The following PCDH9 variants were observed in gnomAD, a reference collection of about 807,000 sequenced individuals.
The protein encoded by PCDH9 is protocadherin-9.
In PCDH9, 24 loss-of-function variants were observed where a neutral mutation model predicts 70.6. That is an observed-to-expected ratio of 0.34 (90% CI 0.25 to 0.48). The LOEUF is 0.48. Among genes scored for constraint, PCDH9 ranks in the 20% least tolerant of loss-of-function variants. The pLI, the probability that PCDH9 is intolerant of heterozygous loss-of-function variation, is 0.99. For synonymous variants in PCDH9, 562 were observed against 558.5 expected (o/e 1.01, Z -0.09); for missense variants, 1,281 against 1,503.6 (o/e 0.85, Z 2.45).
At chr13:66,357,290 A>G (rs903074544) in intron 4 of PCDH9, among the ~76,000 whole-genome samples, 1 of 152,034 alleles carries the variant, frequency 6.6e-6, no homozygotes, top group Non-Finnish European at 1.5e-5. Context: ...GAAAACTGCA[A>G]CATGCAAACA....
chr13:66,589,737 T>C (rs780235465), intron 4 of PCDH9, among the ~76,000 whole-genome samples: 2 of 151,986 alleles, frequency 1.3e-5, no homozygotes, highest in Non-Finnish European at 2.9e-5. Context: ...TCTTATCCTA[T>C]TTTCAACTAT....
chr13:66,887,075 A>T (rs1187565293), intron 3 of PCDH9, among the ~76,000 whole-genome samples: 1 of 124,848 alleles, frequency 8.0e-6, no homozygotes, highest in African/African-American at 3.1e-5. Context: ...ACACACACAC[A>T]CACCCTGTAT....
intron 4 of PCDH9, among the ~76,000 whole-genome samples, chr13:66,324,978 C>A (rs1236723796): frequency 6.6e-6 from 1 of 151,888 alleles, no homozygotes; most frequent in Middle Eastern, 3.2e-3. Context: ...ATGTCAGTAT[C>A]TAGCAATCTA....
chr13:66,567,982 A>G (rs950069507), intron 4 of PCDH9, among the ~76,000 whole-genome samples: 1 of 152,106 alleles, frequency 6.6e-6, no homozygotes, highest in African/African-American at 2.4e-5. Flanking sequence ...TGCTTAATAA[A>G]CACACCTACT....
At chr13:66,812,136 T>C (rs978223546) in intron 3 of PCDH9, among the ~76,000 whole-genome samples, 11 of 152,248 alleles carry the variant, frequency 7.2e-5, no homozygotes, top group African/African-American at 2.2e-4. Context: ...AAATTGCTTA[T>C]GGATTGAGCC....
rs993859730 is a variant in PCDH9, at chr13:66,713,623, G to C, written c.3139-82212C>G. On this transcript the variant is annotated intron_variant, in intron 3 of 4. Transcript: ENST00000377865. ...GTATATATATATAAAGTGTGTGTGT[G>C]TGTATATATATATATATATATATAT... is the stretch of plus-strand genomic sequence containing the variant. Among the ~76,000 whole-genome samples, 4 of 93,020 alleles carry C rather than the reference G, an allele frequency of 4.3e-5. No homozygotes were observed. The South Asian group carries it at 1.7e-3, about 38-fold the overall frequency. The allele number at this position is 93,020 out of a possible 152,430, so 61.0% of individuals were successfully genotyped here. A position where few individuals can be genotyped will look rare whatever the true frequency, so the allele number is the denominator to read the frequency against.
chr13:66,574,722 A>G lies in PCDH9; in HGVS notation c.3340+56488T>C, dbSNP rs1425585657. The stretch of plus-strand genomic sequence containing the variant: ...CATCTGTGATTCTTATAAAAGACAT[A>G]TTTCTCACAATTTCTAGCCAGTCAT... On this transcript the variant is annotated intron_variant, in intron 4 of 4. Transcript: ENST00000377865. Among the ~76,000 whole-genome samples the G allele has an allele frequency of 2.0e-5, 3 of 152,170 alleles. No individual in the cohort carries two copies. The East Asian group carries it at 5.8e-4, about 29-fold the overall frequency.
At chr13:66,341,212 C>T (rs1956118057) in intron 4 of PCDH9, among the ~76,000 whole-genome samples, 1 of 152,012 alleles carries the variant, frequency 6.6e-6, no homozygotes, top group Admixed American at 6.6e-5. Context: ...CCCACCTCAG[C>T]ATCCCCCGTA....
At chr13:66,846,186 T>C (rs1267321322) in intron 3 of PCDH9, among the ~76,000 whole-genome samples, 2 of 151,262 alleles carry the variant, frequency 1.3e-5, no homozygotes, top group African/African-American at 4.9e-5. Context: ...TAAAGCTTTC[T>C]GGGAGCTAAA....
At chr13:67,171,754 G>C (rs1184140603) in intron 2 of PCDH9, among the ~76,000 whole-genome samples, 3 of 152,146 alleles carry the variant, frequency 2.0e-5, no homozygotes, top group Non-Finnish European at 4.4e-5. Context: ...TTGAACCTGA[G>C]TTTCCTCTCC....
intron 4 of PCDH9, among the ~76,000 whole-genome samples, chr13:66,557,780 G>A (rs1426680507): frequency 6.6e-6 from 1 of 152,194 alleles, no homozygotes; most frequent in Non-Finnish European, 1.5e-5. Flanking sequence ...TACAAAGGTA[G>A]ATGGAGAGTA....
At chr13:66,373,758 T>C (rs1373457928) in intron 4 of PCDH9, among the ~76,000 whole-genome samples, 1 of 152,098 alleles carries the variant, frequency 6.6e-6, no homozygotes, top group Non-Finnish European at 1.5e-5. Flanking sequence ...AAATTAATTG[T>C]TGGATCCTGT....
chr13:66,802,495 C>T (rs1452815614), intron 3 of PCDH9, among the ~76,000 whole-genome samples: 1 of 151,948 alleles, frequency 6.6e-6, no homozygotes, highest in East Asian at 1.9e-4. Flanking sequence ...ACATTTTGTA[C>T]TGCATATTTC....
intron 3 of PCDH9, among the ~76,000 whole-genome samples, chr13:66,801,369 C>T (rs1268134339): frequency 6.6e-6 from 1 of 152,072 alleles, no homozygotes; most frequent in Non-Finnish European, 1.5e-5. Context: ...AAAGTATAGG[C>T]ATTGCCAAGG....
chr13:66,449,100 G>A (rs571420068), intron 4 of PCDH9, among the ~76,000 whole-genome samples: 1 of 151,244 alleles, frequency 6.6e-6, no homozygotes, highest in East Asian at 1.9e-4. Flanking sequence ...CTCCTAGTGA[G>A]CTTATATAAT....
Position 66,481,948 on chromosome 13 carries a change from A to G in PCDH9, c.3340+149262T>C, listed in dbSNP as rs904277565. Among the ~76,000 whole-genome samples, 21 of 152,074 alleles carry G rather than the reference A, an allele frequency of 1.4e-4. No individual in the cohort carries two copies. In the East Asian group the frequency reaches 3.9e-3, roughly 28 times the overall value. ...AGTCCAAATACACATGCACGCACAC[A>G]CACACACACACACACACAAAATCAA... On this transcript the variant is annotated intron_variant, in intron 4 of 4. Transcript: ENST00000377865.
intron 2 of PCDH9, among the ~76,000 whole-genome samples, chr13:67,173,967 AG>A (rs754370871): frequency 6.6e-6 from 1 of 152,148 alleles, no homozygotes; most frequent in Non-Finnish European, 1.5e-5. Flanking sequence ...ATCCATGAAG[AG>A]GGGTCAAAAA....
intron 3 of PCDH9, among the ~76,000 whole-genome samples, chr13:66,643,211 C>T (rs2077730650): frequency 6.6e-6 from 1 of 151,946 alleles, no homozygotes; most frequent in Admixed American, 6.6e-5. Context: ...ATGTTTTAAG[C>T]CTCTCTTGCT....
rs149739211 is a variant in PCDH9, at chr13:67,136,231, C to G, written c.3036+89174G>C. 3.2e-3 allele frequency among the ~76,000 whole-genome samples: 489 copies of G among 152,254 alleles called. 4 individuals carry two copies. The highest frequency in any genetic ancestry group is 5.2e-3 in the Non-Finnish European group (351 of 68,004). On this transcript the variant is annotated intron_variant, in intron 2 of 4. Coordinates refer to ENST00000377865, the MANE Select transcript of PCDH9 (RefSeq NM_203487.3). ...AGTAACATGCTGTAGAAGTTTGCAG[C>G]CTAGGAGCAACAGGCTGTACCACGT... is the stretch of plus-strand genomic sequence containing the variant.
Sources: gnomAD v4.1 joint callset for allele counts (sites outside exome capture counted in the v4.1 genomes callset) on GRCh38, gnomAD v4.1.1 for gene constraint, MANE v1.5 for transcripts, NCBI Gene and HGNC (gene_info 2026-07-23, HGNC 2026-07-21) for gene names.